PDE1C: variants seen among roughly 807,000 people sequenced by gnomAD.
PDE1C encodes phosphodiesterase 1C.
PDE1C carries 62 observed loss-of-function variants against 93.1 expected under a neutral mutation model. The ratio of observed to expected loss-of-function variants is 0.67; its 90% CI spans 0.54 to 0.82. PDE1C has a LOEUF of 0.82. PDE1C is among the 40% of genes least tolerant of loss of function. PDE1C has a pLI of 0.00. For missense variants in PDE1C, 742 were observed against 884.6 expected (o/e 0.84, Z 2.04); for synonymous variants, 325 against 310.1 (o/e 1.05, Z -0.50).
At chr7:32,409,553 A>T (rs967794737) in intron 1 of PDE1C, among the ~76,000 whole-genome samples, 22 of 152,036 alleles carry the variant, frequency 1.4e-4, no homozygotes, top group Non-Finnish European at 2.5e-4. Context: ...AAAGTAATTT[A>T]AAAAAAATCA....
intron 2 of PDE1C, among the ~76,000 whole-genome samples, chr7:32,181,236 C>G (rs1803390500): frequency 6.6e-6 from 1 of 152,104 alleles, no homozygotes; most frequent in African/African-American, 2.4e-5. Flanking sequence ...TTAGACAGAT[C>G]AACGAGACAG....
chr7:32,164,127 T>C (rs1802078827), intron 3 of PDE1C, among the ~76,000 whole-genome samples: 1 of 152,210 alleles, frequency 6.6e-6, no homozygotes, highest in African/African-American at 2.4e-5. Flanking sequence ...TTGCATCAGT[T>C]GGAGCTTGTT....
chr7:31,912,776 G>A (rs2128941537), intron 2 of PDE1C, among the ~76,000 whole-genome samples: 1 of 152,008 alleles, frequency 6.6e-6, no homozygotes, highest in East Asian at 1.9e-4. Context: ...CATCCAAGAG[G>A]GCTGTTTTCT....
chr7:32,164,966 T>A (rs1030422617), intron 3 of PDE1C, among the ~76,000 whole-genome samples: 1 of 152,348 alleles, frequency 6.6e-6, no homozygotes, highest in African/African-American at 2.4e-5. Context: ...AGGGATAAAA[T>A]GTGAGAAACA....
intron 2 of PDE1C, among the ~76,000 whole-genome samples, chr7:31,949,235 G>T (rs1000466334): frequency 6.6e-6 from 1 of 152,132 alleles, no homozygotes; most frequent in Non-Finnish European, 1.5e-5. Flanking sequence ...AAGGTGGGCA[G>T]ATCACCTGAG....
rs1795125599 is a variant in PDE1C at position 31,865,032 on chromosome 7, G to A, written c.660C>T (p.Tyr220=). 6.2e-7 allele frequency: 1 copy of A among 1,613,946 alleles called. No homozygotes were observed. The highest frequency in any genetic ancestry group is 8.5e-7 in the Non-Finnish European group (1 of 1,179,972). The part of the protein sequence containing the change: ...VSFVEALEVG[Y]SKHKNPYHNL... ...TATGGTAAGGATTTTTGTGCTTGCT[G>A]TATCCCACTTCCAGGGCCTCCACAA... Residue 220 remains tyrosine (Y), a synonymous_variant, in exon 7 of 18, where the codon TAC becomes TAT. Transcript: ENST00000396191.
chr7:32,420,265 ATATGTGTATATATATACATG>A lies in PDE1C; in HGVS notation c.310+7537_310+7556del, dbSNP rs1430253679. On this transcript the variant is annotated intron_variant, in intron 1 of 1. Transcript: ENST00000672256. Reference sequence around the variant, plus strand: ...TGTGTATATATATACATGTGTATATATATGTGTATATATATACATGTGTATATATATGTGTATATATATAC... The same window carrying A: ...TGTGTATATATATACATGTGTATATATGTATATATATGTGTATATATATAC... Among the ~76,000 whole-genome samples, 67 of 42,550 alleles carry A rather than the reference ATATGTGTATATATATACATG, an allele frequency of 1.6e-3. 16 individuals are homozygous for A. Among genetic ancestry groups the A allele is most frequent in the Non-Finnish European group, 2.3e-3 (47 of 20,498 alleles). 27.9% of individuals were successfully genotyped at this position (42,550 alleles called of 152,430 possible).
chr7:31,911,695 A>G (rs936313252), intron 2 of PDE1C, among the ~76,000 whole-genome samples: 1 of 152,138 alleles, frequency 6.6e-6, no homozygotes, highest in Non-Finnish European at 1.5e-5. Context: ...TTCACTGAAA[A>G]CTGTCACCAC....
chr7:32,111,360 G>T (rs910025576), intron 3 of PDE1C, among the ~76,000 whole-genome samples: 3 of 152,158 alleles, frequency 2.0e-5, no homozygotes, highest in Admixed American at 2.0e-4. Context: ...CTAAAGAATA[G>T]TACCACATTC....
chr7:31,952,887 G>T (rs1462117052), intron 2 of PDE1C, among the ~76,000 whole-genome samples: 2 of 151,872 alleles, frequency 1.3e-5, no homozygotes, highest in African/African-American at 2.4e-5. Context: ...AACCATCTAA[G>T]TTCCCTCGCC....
At chr7:32,009,699 T>C (rs1786810761) in intron 2 of PDE1C, among the ~76,000 whole-genome samples, 1 of 152,088 alleles carries the variant, frequency 6.6e-6, no homozygotes, top group African/African-American at 2.4e-5. Flanking sequence ...ATTAAGGCAA[T>C]GAAAAGAAAG....
At chr7:32,298,056 CT>C (rs113564251) in intron 1 of PDE1C, among the ~76,000 whole-genome samples, 2 of 74,322 alleles carry the variant, frequency 2.7e-5, no homozygotes, top group East Asian at 4.3e-4. Context: ...CTCTCTCTCT[CT>C]CTCTCTCCCC....
In PDE1C at chr7:32,044,297, TA is replaced by T. The variant is rs1236738180; in HGVS notation, c.128+7256del. On this transcript the variant is annotated intron_variant, in intron 2 of 17. Coordinates refer to ENST00000396191, the MANE Select transcript of PDE1C (RefSeq NM_001191057.4). ...AAGAATATGAAAGAAGAAAGGATCA[TA>T]AAAAAATCAGGCAAATATGACAGTC... Among the ~76,000 whole-genome samples the T allele has an allele frequency of 3.9e-5, 6 of 152,132 alleles. No individual in the cohort carries two copies. In the East Asian group the frequency reaches 7.7e-4, roughly 20 times the overall value.
intron 2 of PDE1C, among the ~76,000 whole-genome samples, chr7:32,031,165 T>C (rs1013153936): frequency 2.6e-5 from 4 of 152,194 alleles, no homozygotes; most frequent in African/African-American, 9.6e-5. Flanking sequence ...TTGAACATCA[T>C]TGGTAGTCAT....
intron 2 of PDE1C, among the ~76,000 whole-genome samples, chr7:32,033,097 G>T (rs565075703): frequency 2.2e-4 from 33 of 152,124 alleles, no homozygotes; most frequent in African/African-American, 7.5e-4. Context: ...ATGAAAGGAG[G>T]GCTGAATCCC....
intron 2 of PDE1C, among the ~76,000 whole-genome samples, chr7:32,178,529 C>G (rs1174086347): frequency 6.6e-6 from 1 of 152,168 alleles, no homozygotes; most frequent in Non-Finnish European, 1.5e-5. Flanking sequence ...AGGTCTTTCT[C>G]AATAATATCA....
intron 2 of PDE1C, among the ~76,000 whole-genome samples, chr7:32,008,867 C>A (rs30551): frequency 0.81 from 122,873 of 152,122 alleles, 49,923 homozygotes; most frequent in Non-Finnish European, 0.85. Flanking sequence ...GTTTGTTTAC[C>A]TTACGTGTAA....
intron 3 of PDE1C, among the ~76,000 whole-genome samples, chr7:32,121,511 A>G (rs778801236): frequency 1.3e-5 from 2 of 152,156 alleles, no homozygotes; most frequent in African/African-American, 2.4e-5. Flanking sequence ...AGGGAAGCCT[A>G]ACAGACTAAC....
chr7:31,776,891 C>T (rs1039635175), intron 16 of PDE1C, among the ~76,000 whole-genome samples: 8 of 148,804 alleles, frequency 5.4e-5, no homozygotes, highest in Admixed American at 1.4e-4. Context: ...GTTAAGTCCA[C>T]TTTATATGCA....
Sources: gnomAD v4.1 joint callset for allele counts (sites outside exome capture counted in the v4.1 genomes callset) on GRCh38, gnomAD v4.1.1 for gene constraint, MANE v1.5 for transcripts, NCBI Gene and HGNC (gene_info 2026-07-23, HGNC 2026-07-21) for gene names.